The following CLASP2 variants were observed in gnomAD, a reference collection of about 807,000 sequenced individuals.
CLASP2 encodes CLIP-associating protein 2.
CLASP2 carries 47 observed loss-of-function variants against 194.4 expected under a neutral mutation model. That is an observed-to-expected ratio of 0.24 (90% confidence interval 0.19 to 0.31). The LOEUF (loss-of-function observed/expected upper bound fraction) is 0.31. Ranked by LOEUF, CLASP2 falls within the 10% of genes least tolerant of loss-of-function variation. CLASP2 has a pLI of 1.00. For synonymous variants in CLASP2, 619 were observed against 633.5 expected (o/e 0.98, Z 0.34); for missense variants, 1,445 against 1,823.6 (o/e 0.79, Z 3.78).
At chr3:33,627,168 C>G in intron 9 of CLASP2, 88 bp from the exon 10 acceptor site, 1 of 757,838 alleles carries the variant, frequency 1.3e-6, no homozygotes, top group Non-Finnish European at 2.3e-6. Flanking sequence ...AATCTTTCAC[C>G]TATTAAGTTT....
chr3:33,534,054 T>C (rs1387086950), intron 34 of CLASP2, among the ~76,000 whole-genome samples: 1 of 152,048 alleles, frequency 6.6e-6, no homozygotes, highest in Non-Finnish European at 1.5e-5. Context: ...ACAAAAAGAA[T>C]TATTTATGGG....
At chr3:33,677,760 GA>G (rs550751096) in intron 6 of CLASP2, among the ~76,000 whole-genome samples, 1,546 of 141,204 alleles carry the variant, frequency 0.011, 14 homozygotes, top group East Asian at 0.038. Flanking sequence ...CTTGCTGCCT[GA>G]AAAAAAAAAA....
Position 33,556,907 on chromosome 3 carries a change from G to A in CLASP2, c.3009+2400C>T, listed in dbSNP as rs374275431. Among the ~76,000 whole-genome samples, 12 of 151,930 alleles carry A rather than the reference G, an allele frequency of 7.9e-5. No homozygotes were observed. In the South Asian group the frequency reaches 8.3e-4, roughly 11 times the overall value. On this transcript the variant is annotated intron_variant, in intron 29 of 38. Transcript: ENST00000682230. ...TTGTGCATATCTCATTTCAATCTTCGCTTTGTCTTTCTCTTCAAGTCTCCT... is the reference window on the plus strand; with the variant it reads ...TTGTGCATATCTCATTTCAATCTTCACTTTGTCTTTCTCTTCAAGTCTCCT...
At chr3:33,548,506 C>A (rs1276706446) in intron 30 of CLASP2, among the ~76,000 whole-genome samples, 1 of 152,002 alleles carries the variant, frequency 6.6e-6, no homozygotes, top group Non-Finnish European at 1.5e-5. Flanking sequence ...ACCATGTTAG[C>A]CAGGATGGTC....
rs1411856386 is a variant in CLASP2, at chr3:33,684,412, A to T, written c.591T>A (p.His197Gln). The T allele has an allele frequency of 6.2e-7, 1 of 1,605,564 alleles. No individual in the cohort carries two copies. Among genetic ancestry groups the T allele is most frequent in the East Asian group, 2.3e-5 (1 of 44,270 alleles). The change falls in exon 6 of 39, where the codon CAT becomes CAA. Residue 197 changes from histidine (H) to glutamine (Q), a missense_variant. Around this residue, in one of 4 missense-constraint regions of CLASP2, gnomAD observed 332 missense variants for 325.3 expected, o/e 1.02. Transcript: ENST00000682230. ...AILAIVEIYRHVGEKVRMDLY... is the reference protein window; with the variant it reads ...AILAIVEIYRQVGEKVRMDLY... ...GATCCATCCTCACTTTTTCTCCCAC[A>T]TGTCTATAAATCTCCACTATAGCCA...
At chr3:33,568,692 A>G (rs1256336222) in intron 26 of CLASP2, among the ~76,000 whole-genome samples, 8 of 152,044 alleles carry the variant, frequency 5.3e-5, no homozygotes, top group Non-Finnish European at 2.9e-5. Flanking sequence ...CTATAATGGC[A>G]TAATTGAGTA....
chr3:33,694,672 C>T (rs2091688625), intron 2 of CLASP2, among the ~76,000 whole-genome samples: 1 of 152,172 alleles, frequency 6.6e-6, no homozygotes, highest in Admixed American at 6.5e-5. Context: ...GGAGAAACTA[C>T]AAAGCAACTT....
intron 26 of CLASP2, among the ~76,000 whole-genome samples, chr3:33,567,849 C>A (rs929299281): frequency 6.6e-6 from 1 of 152,194 alleles, no homozygotes; most frequent in Non-Finnish European, 1.5e-5. Context: ...CTTGTCTACT[C>A]AGTGACTGCT....
intron 1 of CLASP2, among the ~76,000 whole-genome samples, chr3:33,713,470 A>C (rs1363434929): frequency 6.6e-6 from 1 of 152,202 alleles, no homozygotes; most frequent in Non-Finnish European, 1.5e-5. Flanking sequence ...ATATGTATTA[A>C]TGGGTAGATA....
chr3:33,581,413 T>C (rs1183908418), intron 23 of CLASP2, among the ~76,000 whole-genome samples: 2 of 152,194 alleles, frequency 1.3e-5, no homozygotes, highest in African/African-American at 4.8e-5. Flanking sequence ...GTAACCTAAG[T>C]TAAATGATCT....
At chr3:33,671,433 A>AT (rs1253987472) in intron 6 of CLASP2, among the ~76,000 whole-genome samples, 26 of 152,294 alleles carry the variant, frequency 1.7e-4, no homozygotes, top group African/African-American at 6.3e-4. Flanking sequence ...CAGACCAGGA[A>AT]TTTTTTTAAA....
intron 6 of CLASP2, among the ~76,000 whole-genome samples, chr3:33,663,844 T>A (rs1387799635): frequency 1.3e-5 from 2 of 152,092 alleles, no homozygotes; most frequent in African/African-American, 4.8e-5. Flanking sequence ...TCATAATAAG[T>A]CTACTCAGTC....
chr3:33,585,775 G>A (rs912519502), intron 21 of CLASP2, among the ~76,000 whole-genome samples: 3 of 151,802 alleles, frequency 2.0e-5, no homozygotes, highest in South Asian at 4.2e-4. Context: ...TGTGGTCACT[G>A]ATTAAATGTG....
chr3:33,674,304 C>G (rs966366226), intron 6 of CLASP2, among the ~76,000 whole-genome samples: 5 of 152,094 alleles, frequency 3.3e-5, no homozygotes, highest in Non-Finnish European at 7.4e-5. Context: ...CAAAACCACT[C>G]AACTACATGG....
intron 34 of CLASP2, among the ~76,000 whole-genome samples, chr3:33,531,046 TAGAGGA>T (rs2056175215): frequency 6.6e-6 from 1 of 152,102 alleles, no homozygotes; most frequent in Non-Finnish European, 1.5e-5. Context: ...AGAACAAAGC[TAGAGGA>T]CTCATACTTC....
intron 30 of CLASP2, among the ~76,000 whole-genome samples, chr3:33,547,327 C>T (rs923288696): frequency 3.9e-5 from 6 of 152,176 alleles, no homozygotes; most frequent in Admixed American, 2.0e-4. Context: ...TCTCTGCCTG[C>T]TGACATCCAT....
chr3:33,604,302 GAGA>G, intron 16 of CLASP2, 93 bp from the exon 17 acceptor site: 2 of 832,656 alleles, frequency 2.4e-6, no homozygotes, highest in South Asian at 3.2e-5. Context: ...GTGGAAAGTT[GAGA>G]AGTATTTCTT....
intron 7 of CLASP2, among the ~76,000 whole-genome samples, chr3:33,651,382 CAAA>C (rs11317189): frequency 0.077 from 6,975 of 90,254 alleles, 504 homozygotes; most frequent in African/African-American, 0.23. Flanking sequence ...GATCCTGTCT[CAAA>C]AAAAAAAAAA....
intron 34 of CLASP2, 147 bp downstream of exon 34, chr3:33,535,086 T>G: frequency 1.4e-4 from 81 of 594,836 alleles, no homozygotes; most frequent in East Asian, 2.6e-4. Context: ...GCACTAGAGA[T>G]GAGTTCCTAG....
Sources: gnomAD v4.1 joint callset for allele counts (sites outside exome capture counted in the v4.1 genomes callset) on GRCh38, gnomAD v4.1.1 for gene constraint, gnomAD v4.1.1 regional missense constraint, MANE v1.5 for transcripts, NCBI Gene and HGNC (gene_info 2026-07-23, HGNC 2026-07-21) for gene names.